Variants in ARPC2 observed in about 807,000 individuals in gnomAD.
ARPC2 encodes the protein actin related protein 2/3 complex subunit 2.
Under a neutral mutation model 38.6 loss-of-function variants are expected in ARPC2, and 4 were observed. The observed-to-expected ratio is 0.10, with a 90% CI of 0.05 to 0.24. The LOEUF (loss-of-function observed/expected upper bound fraction) is 0.24, where lower values mean the gene tolerates loss of function less well. ARPC2 is among the 10% of genes least tolerant of loss of function. ARPC2 has a pLI of 1.00. For synonymous variants in ARPC2, 125 were observed against 140.8 expected (o/e 0.89, Z 0.79); for missense variants, 229 against 387.3 (o/e 0.59, Z 3.43).
intron 2 of ARPC2, among the ~76,000 whole-genome samples, chr2:218,219,723 G>A (rs1367846373): frequency 6.6e-6 from 1 of 152,112 alleles, no homozygotes; most frequent in Admixed American, 6.6e-5. Flanking sequence ...GCACATGTGC[G>A]GGTGTATGTG....
At chr2:218,243,005 G>C (rs886898054) in intron 7 of ARPC2, among the ~76,000 whole-genome samples, 2 of 152,072 alleles carry the variant, frequency 1.3e-5, no homozygotes, top group Non-Finnish European at 2.9e-5. Context: ...TCTAGATTTT[G>C]AGTTATAGGT....
chr2:218,249,589 G>C (rs1326915030), intron 9 of ARPC2, 125 bp downstream of exon 9: 1 of 826,640 alleles, frequency 1.2e-6, no homozygotes, highest in Non-Finnish European at 1.9e-6. Context: ...TAATTCTAGA[G>C]GCTTCAAGAA....
At position 218,245,451 on chromosome 2, in the gene ARPC2, C is replaced by T; in HGVS notation, c.581C>T (p.Thr194Ile). 6.2e-7 allele frequency: 1 copy of T among 1,614,184 alleles called. No individual in the cohort carries two copies. The highest frequency in any genetic ancestry group is 8.5e-7 in the Non-Finnish European group (1 of 1,180,026). ...EFKEGRRASH[T>I]APQVLFSHRE... is the part of the protein sequence containing the mutation. Reference sequence around the variant, plus strand: ...AAAGAAGGACGCAGAGCCAGCCACACAGCCCCACAGGTCCTCTTTAGCCAC... The same window carrying T: ...AAAGAAGGACGCAGAGCCAGCCACATAGCCCCACAGGTCCTCTTTAGCCAC... Residue 194 changes from threonine (T) to isoleucine (I), a missense_variant, in exon 8 of 11, where the codon ACA (threonine) becomes ATA (isoleucine). By Grantham distance (89) the Thr-to-Ile change is moderately conservative (BLOSUM62 -1). This residue lies in a region of ARPC2 where 92 missense variants were observed against 152.3 expected (regional missense o/e 0.60). Coordinates refer to ENST00000315717, the MANE Select transcript of ARPC2 (RefSeq NM_152862.3).
rs1689839271 is a variant in ARPC2 at position 218,238,838 on chromosome 2, A to T, written c.443A>T (p.Asp148Val). The T allele has an allele frequency of 1.2e-6, 2 of 1,612,752 alleles. No individual in the cohort carries two copies. The highest frequency in any genetic ancestry group is 1.7e-6 in the Non-Finnish European group (2 of 1,179,052). ...AACAGGGCAGTTATCCATTATAGGG[A>T]TGATGAGACCATGTGAGTATAGAAT... is the stretch of plus-strand genomic sequence containing the variant. ...GENRAVIHYR[D>V]DETMYVESKK... is the part of the protein sequence containing the mutation. Residue 148 changes from aspartate to valine, a missense_variant, in exon 6 of 11, where the codon GAT (aspartate) becomes GTT (valine). Transcript: ENST00000315717.
At chr2:218,251,673 G>A (rs1157345096) in intron 10 of ARPC2, among the ~76,000 whole-genome samples, 2 of 151,684 alleles carry the variant, frequency 1.3e-5, no homozygotes, top group African/African-American at 2.4e-5. Flanking sequence ...GGCTGGTCTC[G>A]AACTCCTGGA....
intron 2 of ARPC2, among the ~76,000 whole-genome samples, chr2:218,224,834 CAT>C (rs1689460534): frequency 1.3e-5 from 2 of 152,330 alleles, no homozygotes; most frequent in South Asian, 4.1e-4. Context: ...TTTTAACACT[CAT>C]AAACCATGTT....
rs536019817 is a variant in ARPC2, at chr2:218,250,007, T to C, written c.878+86T>C. 8.3e-5 allele frequency: 99 copies of C among 1,191,952 alleles called. No individual in the cohort carries two copies. The South Asian group carries it at 1.2e-3, about 15-fold the overall frequency. The allele number at this position is 1,191,952 out of a possible 1,614,324, so 73.8% of individuals were successfully genotyped here. A position where few individuals can be genotyped will look rare whatever the true frequency, so the allele number is the denominator to read the frequency against. On this transcript the variant is annotated intron_variant, in intron 10 of 10. Transcript: ENST00000315717. The stretch of plus-strand genomic sequence containing the variant: ...TGGGCGCTGGTGGCCTGGTCCTCCA[T>C]GTATCTGGGCACTGGCTACATATGA...
chr2:218,228,991 T>C, intron 4 of ARPC2, 141 bp downstream of exon 4: 4 of 556,214 alleles, frequency 7.2e-6, no homozygotes, highest in Non-Finnish European at 1.3e-5. Flanking sequence ...ACTTGATTCC[T>C]ATAATGAATT....
intron 4 of ARPC2, among the ~76,000 whole-genome samples, chr2:218,232,503 A>C (rs1373854061): frequency 6.6e-6 from 1 of 150,898 alleles, no homozygotes; most frequent in East Asian, 1.9e-4. Context: ...CTTTCCCGTC[A>C]TCCTGTAGCA....
chr2:218,235,387 C>T (rs144321086), intron 5 of ARPC2: 13 of 153,274 alleles, frequency 8.5e-5, no homozygotes, highest in African/African-American at 2.9e-4. Context: ...TGTCTGCTGC[C>T]CATACTGCCA....
chr2:218,226,841 A>G (rs1029012227), intron 3 of ARPC2, among the ~76,000 whole-genome samples: 5 of 151,888 alleles, frequency 3.3e-5, no homozygotes, highest in Non-Finnish European at 5.9e-5. Flanking sequence ...TGGAAATATT[A>G]CATTATCTTC....
chr2:218,230,856 A>G (rs529755697), intron 4 of ARPC2, among the ~76,000 whole-genome samples: 2 of 152,250 alleles, frequency 1.3e-5, no homozygotes, highest in South Asian at 4.1e-4. Context: ...CACCTCAAAA[A>G]AAGGAAAAGA....
intron 5 of ARPC2, among the ~76,000 whole-genome samples, chr2:218,238,106 T>C (rs535239882): frequency 1.5e-4 from 23 of 152,158 alleles, no homozygotes; most frequent in Non-Finnish European, 2.9e-4. Flanking sequence ...CAATAAAAGC[T>C]ATTGGGGAGG....
intron 8 of ARPC2, among the ~76,000 whole-genome samples, chr2:218,245,917 GAGACAA>G (rs1221006654): frequency 1.3e-5 from 2 of 152,108 alleles, no homozygotes; most frequent in African/African-American, 4.8e-5. Flanking sequence ...CAGCTTGAAG[GAGACAA>G]GTACAGTTTT....
At chr2:218,250,053 TA>T (rs1451802047) in intron 10 of ARPC2, 132 bp downstream of exon 10, 1 of 714,308 alleles carries the variant, frequency 1.4e-6, no homozygotes, top group Admixed American at 2.9e-5. Flanking sequence ...GCTAAGTAGA[TA>T]AACCAAAGGT....
chr2:218,251,703 T>C (rs1690196128), intron 10 of ARPC2, among the ~76,000 whole-genome samples: 1 of 152,150 alleles, frequency 6.6e-6, no homozygotes, highest in African/African-American at 2.4e-5. Context: ...TCCTCCCACC[T>C]CAGCCTCCCA....
At position 218,239,454 on chromosome 2, in the gene ARPC2, C is replaced by T. The variant is rs1689855573; in HGVS notation, c.519C>T (p.Asp173=). The T allele has an allele frequency of 1.9e-6, 3 of 1,614,008 alleles. No individual in the cohort carries two copies. The highest frequency in any genetic ancestry group is 1.3e-5 in the African/African-American group (1 of 74,988). ...TCAGCACAGTGTTTAAGGATGACGACGATGTGGTCATTGGAAAGGTGTTCA... is the reference window on the plus strand; with the variant it reads ...TCAGCACAGTGTTTAAGGATGACGATGATGTGGTCATTGGAAAGGTGTTCA... ...VVFSTVFKDD[D]DVVIGKVFMQ... Residue 173 remains aspartate (D), a synonymous_variant, in exon 7 of 11, where the codon GAC becomes GAT. Coordinates refer to ENST00000315717, the MANE Select transcript of ARPC2 (RefSeq NM_152862.3).
intron 10 of ARPC2, among the ~76,000 whole-genome samples, chr2:218,251,131 T>A (rs866135138): frequency 5.9e-5 from 9 of 152,174 alleles, no homozygotes; most frequent in South Asian, 2.1e-4. Context: ...ACTAAAAGTC[T>A]TGAGGTCATA....
rs537423063 is a variant in ARPC2, at chr2:218,231,380, A to G, written c.222+2530A>G. Among the ~76,000 whole-genome samples the G allele has an allele frequency of 3.3e-5, 5 of 152,326 alleles. No individual in the cohort carries two copies. The East Asian group carries it at 9.6e-4, about 29-fold the overall frequency. ...CTCTCAGTACCTCTTAGATCTCAGA[A>G]TATTAACTTAGTAAGCTTGAAATTA... On this transcript the variant is annotated intron_variant, in intron 4 of 10. Coordinates refer to ENST00000315717, the MANE Select transcript of ARPC2 (RefSeq NM_152862.3).
Sources: allele counts gnomAD v4.1 joint callset (sites outside exome capture counted in the v4.1 genomes callset), GRCh38; gene constraint gnomAD v4.1.1; regional missense constraint gnomAD v4.1.1; transcripts MANE v1.5; gene names NCBI Gene and HGNC (gene_info 2026-07-23, HGNC 2026-07-21).